ACYP2: variants seen among roughly 807,000 people sequenced by gnomAD.
ACYP2 encodes the protein acylphosphatase-2.
ACYP2 carries 12 observed loss-of-function variants against 11.2 expected under a neutral mutation model. The observed-to-expected ratio is 1.08, with a 90% CI of 0.69 to 1.74. The LOEUF (loss-of-function observed/expected upper bound fraction) is 1.74, where lower values mean the gene tolerates loss of function less well. Ranked by LOEUF, ACYP2 falls within the 40% of genes most tolerant of loss-of-function variation. The pLI, the probability that ACYP2 is intolerant of heterozygous loss-of-function variation, is 0.00. For synonymous variants in ACYP2, 43 were observed against 32.2 expected (o/e 1.33, Z -1.13); for missense variants, 134 against 101.9 (o/e 1.31, Z -1.35).
chr2:54,024,741 A>C (rs1674185780), intron 2 of ACYP2, among the ~76,000 whole-genome samples: 1 of 152,218 alleles, frequency 6.6e-6, no homozygotes, highest in African/African-American at 2.4e-5. Context: ...TAGCCAGCAC[A>C]ATCATACAAG....
intron 6 of ACYP2, among the ~76,000 whole-genome samples, chr2:54,200,165 T>C (rs1016883386): frequency 6.6e-6 from 1 of 152,208 alleles, no homozygotes; most frequent in African/African-American, 2.4e-5. Flanking sequence ...TTGGTATCTC[T>C]CAATTGCTAG....
chr2:54,026,525 A>G (rs1304955679), intron 2 of ACYP2, among the ~76,000 whole-genome samples: 1 of 152,014 alleles, frequency 6.6e-6, no homozygotes, highest in African/African-American at 2.4e-5. Flanking sequence ...CTAAAATTAG[A>G]TCTACCATTT....
intron 2 of ACYP2, among the ~76,000 whole-genome samples, chr2:53,981,113 C>T (rs1230982507): frequency 1.3e-5 from 2 of 152,140 alleles, no homozygotes; most frequent in African/African-American, 4.8e-5. Context: ...TGTTTAGATA[C>T]ACAACTACTT....
At chr2:54,137,280 T>TA (rs922352977) in intron 5 of ACYP2, among the ~76,000 whole-genome samples, 55 of 151,954 alleles carry the variant, frequency 3.6e-4, no homozygotes, top group African/African-American at 8.7e-4. Flanking sequence ...CTTTCTTTTT[T>TA]AAAAAAAAAT....
At chr2:54,218,901 G>C (rs772067381) in intron 6 of ACYP2, among the ~76,000 whole-genome samples, 2 of 152,098 alleles carry the variant, frequency 1.3e-5, no homozygotes, top group Non-Finnish European at 2.9e-5. Context: ...GGGTCAAACG[G>C]GCATCTTCCA....
At chr2:54,160,286 C>T (rs1682653672) in intron 6 of ACYP2, among the ~76,000 whole-genome samples, 1 of 152,146 alleles carries the variant, frequency 6.6e-6, no homozygotes, top group Admixed American at 6.6e-5. Flanking sequence ...GAAGGGATGG[C>T]TCTGGGTCTT....
At chr2:53,985,408 A>G (rs1242598634) in intron 2 of ACYP2, among the ~76,000 whole-genome samples, 3 of 152,050 alleles carry the variant, frequency 2.0e-5, no homozygotes, top group Admixed American at 2.0e-4. Flanking sequence ...ATCTCAGGTC[A>G]AAAGGGGATC....
chr2:53,975,803 G>T (rs1228597740), intron 2 of ACYP2, among the ~76,000 whole-genome samples: 1 of 152,062 alleles, frequency 6.6e-6, no homozygotes, highest in African/African-American at 2.4e-5. Context: ...CTGCACTCCA[G>T]CCTGGGTGAC....
chr2:54,250,741 C>G (rs1349649491), intron 6 of ACYP2, among the ~76,000 whole-genome samples: 1 of 152,186 alleles, frequency 6.6e-6, no homozygotes, highest in African/African-American at 2.4e-5. Flanking sequence ...TATTATCACC[C>G]AAATACATTG....
chr2:54,190,480 T>G (rs1364501512), intron 6 of ACYP2, among the ~76,000 whole-genome samples: 1 of 152,112 alleles, frequency 6.6e-6, no homozygotes, highest in East Asian at 1.9e-4. Flanking sequence ...CTCCAAGTGT[T>G]AAGTCCAGTG....
At chr2:54,179,791 C>T (rs1185397979) in intron 6 of ACYP2, among the ~76,000 whole-genome samples, 1 of 152,148 alleles carries the variant, frequency 6.6e-6, no homozygotes, top group African/African-American at 2.4e-5. Context: ...TGCTGACCTC[C>T]TGTCTCATCC....
chr2:54,110,423 A>G (rs1293087737), intron 4 of ACYP2, among the ~76,000 whole-genome samples: 2 of 152,214 alleles, frequency 1.3e-5, no homozygotes, highest in Non-Finnish European at 2.9e-5. Context: ...GCCTACATTC[A>G]AAGTTCCCCA....
intron 6 of ACYP2, among the ~76,000 whole-genome samples, chr2:54,158,818 GAATC>G (rs1358609657): frequency 6.6e-6 from 1 of 152,092 alleles, no homozygotes; most frequent in Non-Finnish European, 1.5e-5. Context: ...TAATTTAAGT[GAATC>G]AAGCCAATTA....
At chr2:54,060,713 T>C (rs1289070809) in intron 4 of ACYP2, among the ~76,000 whole-genome samples, 1 of 152,242 alleles carries the variant, frequency 6.6e-6, no homozygotes, top group African/African-American at 2.4e-5. Flanking sequence ...AGGCATGAAA[T>C]GCTGCTTTTT....
chr2:54,262,137 G>C (rs1687807755), intron 6 of ACYP2, among the ~76,000 whole-genome samples: 1 of 152,234 alleles, frequency 6.6e-6, no homozygotes, highest in South Asian at 2.1e-4. Context: ...GTCCTGGCCT[G>C]ATAGACTAGC....
At chr2:54,041,355 T>C (rs1675216565) in intron 2 of ACYP2, among the ~76,000 whole-genome samples, 2 of 152,152 alleles carry the variant, frequency 1.3e-5, no homozygotes, top group Admixed American at 6.6e-5. Flanking sequence ...TCTCTTCTGA[T>C]TCATTCTATT....
At chr2:53,991,505 A>G (rs939798801) in intron 2 of ACYP2, among the ~76,000 whole-genome samples, 1 of 151,252 alleles carries the variant, frequency 6.6e-6, no homozygotes, top group African/African-American at 2.4e-5. Flanking sequence ...TCCTAGGTTC[A>G]AGTGATTCTC....
At chr2:54,037,296 G>A (rs529073712) in intron 2 of ACYP2, among the ~76,000 whole-genome samples, 25 of 151,890 alleles carry the variant, frequency 1.6e-4, no homozygotes, top group Admixed American at 1.3e-3. Context: ...TGTATTTTTG[G>A]TAGAGACGGA....
intron 2 of ACYP2, among the ~76,000 whole-genome samples, chr2:54,013,317 T>TGTG (rs1558471480): frequency 1.5e-5 from 2 of 130,236 alleles, no homozygotes; most frequent in Non-Finnish European, 3.3e-5. Context: ...GTGTGTGTGT[T>TGTG]TTGAGACAGA....
Sources: gnomAD v4.1 joint callset for allele counts (sites outside exome capture counted in the v4.1 genomes callset) on GRCh38, gnomAD v4.1.1 for gene constraint, MANE v1.5 for transcripts, NCBI Gene and HGNC (gene_info 2026-07-23, HGNC 2026-07-21) for gene names.